Variants in NUP58 observed in about 807,000 individuals in gnomAD.
NUP58 encodes nucleoporin p58/p45.
NUP58 carries 17 observed loss-of-function variants against 70.1 expected under a neutral mutation model. The ratio of observed to expected loss-of-function variants is 0.24; its 90% CI spans 0.17 to 0.36. The LOEUF (loss-of-function observed/expected upper bound fraction) is 0.36. NUP58 is among the 10% of genes least tolerant of loss of function. The pLI, the probability that NUP58 is intolerant of heterozygous loss-of-function variation, is 1.00. For synonymous variants in NUP58, 275 were observed against 257.6 expected, an observed-to-expected ratio of 1.07 and a Z score of -0.65; for missense variants, 644 against 701.5, an observed-to-expected ratio of 0.92 and a Z score of 0.93.
intron 5 of NUP58, 135 bp downstream of exon 5, chr13:25,313,886 G>A (rs2030800861): frequency 1.6e-6 from 1 of 620,350 alleles, no homozygotes; most frequent in African/African-American, 2.0e-5. Flanking sequence ...ATTATAAAAT[G>A]ATGGTTTTCA....
rs1359096222 is a variant in NUP58 at position 25,301,836 on chromosome 13, G to A, written c.63G>A (p.Gly21=). Residue 21 remains glycine, a synonymous_variant, in exon 1 of 16, where the codon GGG becomes GGA. Transcript: ENST00000381736. ...TLGSTTVAAG[G]TSTGGVFSFG... ...GCTCCACCACCGTGGCCGCCGGCGG[G>A]ACCAGCACAGGCGGCGTTTTCTCCT... is the stretch of plus-strand genomic sequence containing the variant. 1 of 1,613,600 alleles carries A rather than the reference G, an allele frequency of 6.2e-7. No homozygotes were observed. The highest frequency in any genetic ancestry group is 2.2e-5 in the East Asian group (1 of 44,844).
intron 7 of NUP58, 28 bp from the exon 8 acceptor site, chr13:25,320,502 C>T: frequency 3.3e-6 from 5 of 1,521,618 alleles, no homozygotes; most frequent in Non-Finnish European, 3.6e-6. Flanking sequence ...TCTCAATGAC[C>T]TTAATACATG....
exon 4 of NUP58, chr13:25,349,638 G>C (rs1025139867): frequency 6.6e-6 from 1 of 152,610 alleles, no homozygotes; most frequent in African/African-American, 2.4e-5. Flanking sequence ...GAAAAATACA[G>C]TTCTGAGCAG....
At position 25,338,678 on chromosome 13, in the gene NUP58, C is replaced by A. The variant is rs747719909; in HGVS notation, c.1577C>A (p.Ala526Asp). ...SSGFGCSTTG[A>D]STFGFGTTNK... is the part of the protein sequence containing the mutation. ...GGTTTTGGATGCAGCACCACAGGGG[C>A]CTCCACATTTGGATTTGGAACAACA... Residue 526 changes from alanine (A) to aspartate (D), a missense_variant, in exon 15 of 16, where the codon GCC becomes GAC. By Grantham distance (126) the Ala-to-Asp change is moderately radical. This residue lies in a region of NUP58 where 132 missense variants were observed against 203.9 expected (regional missense o/e 0.65). Coordinates refer to ENST00000381736, the MANE Select transcript of NUP58 (RefSeq NM_014089.4). The A allele has an allele frequency of 2.5e-6, 4 of 1,613,850 alleles. No individual in the cohort carries two copies. Among genetic ancestry groups the A allele is most frequent in the African/African-American group, 2.7e-5 (2 of 75,012 alleles).
At chr13:25,331,023 T>TAA (rs1315760147) in intron 12 of NUP58, among the ~76,000 whole-genome samples, 1 of 152,240 alleles carries the variant, frequency 6.6e-6, no homozygotes, top group East Asian at 1.9e-4. Flanking sequence ...TATTTATTTT[T>TAA]AAATTCTTTT....
chr13:25,337,214 C>T (rs1033506194), intron 14 of NUP58, among the ~76,000 whole-genome samples, 180 bp downstream of exon 14: 1 of 152,146 alleles, frequency 6.6e-6, no homozygotes. Context: ...CTTAAAGAAT[C>T]ATTCCATCTT....
At chr13:25,310,700 C>T (rs970065959) in intron 3 of NUP58, among the ~76,000 whole-genome samples, 1 of 152,060 alleles carries the variant, frequency 6.6e-6, no homozygotes. Flanking sequence ...TACGTGATTT[C>T]AAAGCACTGC....
intron 1 of NUP58, 37 bp downstream of exon 1, chr13:25,301,917 C>T (rs1279321800): frequency 2.3e-6 from 3 of 1,286,012 alleles, no homozygotes; most frequent in Non-Finnish European, 3.3e-6. Flanking sequence ...GCCGGATTCA[C>T]CCCCACCCCC....
chr13:25,332,514 C>A, intron 13 of NUP58: 1 of 979,632 alleles, frequency 1.0e-6, no homozygotes, highest in Non-Finnish European at 1.2e-6. Flanking sequence ...TCCATATAGT[C>A]CAGTAGTACA....
chr13:25,331,491 C>A lies in NUP58; in HGVS notation c.1368C>A (p.Ser456Arg). 6.2e-7 allele frequency: 1 copy of A among 1,614,158 alleles called. No homozygotes were observed. Among genetic ancestry groups the A allele is most frequent in the Non-Finnish European group, 8.5e-7 (1 of 1,180,026 alleles). The change falls in exon 13 of 16, where the codon AGC (serine) becomes AGA (arginine). Residue 456 changes from serine to arginine, a missense_variant. By Grantham distance (110) the Ser-to-Arg change is moderately radical. Around this residue, in one of 4 missense-constraint regions of NUP58, gnomAD observed 132 missense variants for 203.9 expected, o/e 0.65. Coordinates refer to ENST00000381736, the MANE Select transcript of NUP58 (RefSeq NM_014089.4). ...PRVTTGPTPFSTMPNAAAVAM... is the reference protein window; with the variant it reads ...PRVTTGPTPFRTMPNAAAVAM... ...TTACTACTGGACCCACTCCTTTCAG[C>A]ACCATGCCAAACGCAGCAGCCGTTG...
At chr13:25,318,847 A>G (rs1343059337) in intron 6 of NUP58, among the ~76,000 whole-genome samples, 2 of 152,218 alleles carry the variant, frequency 1.3e-5, no homozygotes, top group East Asian at 3.8e-4. Context: ...AGGTAATCTG[A>G]CAGTATTCTG....
chr13:25,346,159 A>G (rs1035891634), downstream of NUP58, among the ~76,000 whole-genome samples: 2 of 152,144 alleles, frequency 1.3e-5, no homozygotes, highest in African/African-American at 4.8e-5. Context: ...TATTGTCTAT[A>G]CTCAATAGCT....
intron 13 of NUP58, chr13:25,335,695 A>C (rs993734317): frequency 1.0e-6 from 1 of 984,482 alleles, no homozygotes; most frequent in African/African-American, 1.7e-5. Context: ...AGCAAAATGT[A>C]GTTCCTCGGT....
chr13:25,339,486 A>G (rs2031890093), intron 15 of NUP58, among the ~76,000 whole-genome samples: 2 of 152,236 alleles, frequency 1.3e-5, no homozygotes, highest in Non-Finnish European at 2.9e-5. Context: ...TTAATTTTGC[A>G]AAAGCTCTTA....
chr13:25,343,832 T>C (rs1010097202), downstream of NUP58, among the ~76,000 whole-genome samples: 26 of 144,116 alleles, frequency 1.8e-4, no homozygotes, highest in Admixed American at 8.4e-4. Flanking sequence ...TATATACACA[T>C]ATATATATAC....
chr13:25,345,406 G>A (rs1003642600), downstream of NUP58, among the ~76,000 whole-genome samples: 1 of 152,196 alleles, frequency 6.6e-6, no homozygotes, highest in African/African-American at 2.4e-5. Flanking sequence ...GCAAAGTAAG[G>A]TAAGTACCTA....
chr13:25,337,638 CTG>C (rs2031831036), intron 14 of NUP58, among the ~76,000 whole-genome samples: 1 of 152,130 alleles, frequency 6.6e-6, no homozygotes, highest in Non-Finnish European at 1.5e-5. Context: ...ATATGGATAA[CTG>C]AAAGTTGGTT....
At chr13:25,305,417 A>T (rs924690221) in intron 1 of NUP58, among the ~76,000 whole-genome samples, 11 of 151,914 alleles carry the variant, frequency 7.2e-5, no homozygotes, top group African/African-American at 2.7e-4. Context: ...CAGTCTGCCT[A>T]CCTCAACCTC....
At chr13:25,336,070 GA>G in intron 13 of NUP58, 1 of 1,216,594 alleles carries the variant, frequency 8.2e-7, no homozygotes, top group Non-Finnish European at 1.0e-6. Context: ...TAACAAGAGG[GA>G]AAAGGATGAC....
Sources: allele counts gnomAD v4.1 joint callset (sites outside exome capture counted in the v4.1 genomes callset), GRCh38; gene constraint gnomAD v4.1.1; regional missense constraint gnomAD v4.1.1; transcripts MANE v1.5; gene names NCBI Gene and HGNC (gene_info 2026-07-23, HGNC 2026-07-21).